MCTP2: variants seen among roughly 807,000 people sequenced by gnomAD.
MCTP2 encodes multiple C2 and transmembrane domain-containing protein 2.
Under a neutral mutation model 111.6 loss-of-function variants are expected in MCTP2, and 132 were observed. The ratio of observed to expected loss-of-function variants is 1.18; its 90% confidence interval spans 1.03 to 1.37. The LOEUF (loss-of-function observed/expected upper bound fraction) is 1.37, where lower values mean the gene tolerates loss of function less well. Among genes scored for constraint, MCTP2 ranks in the 40% most tolerant of loss-of-function variants. MCTP2 has a pLI of 0.00. For synonymous variants in MCTP2, 395 were observed against 387.7 expected (o/e 1.02, Z -0.22); for missense variants, 1,183 against 1,067.9 (o/e 1.11, Z -1.50).
At chr15:94,282,536 G>C (rs1158331092) in intron 1 of MCTP2, among the ~76,000 whole-genome samples, 1 of 152,166 alleles carries the variant, frequency 6.6e-6, no homozygotes, top group Non-Finnish European at 1.5e-5. Flanking sequence ...TTCTATGTCT[G>C]TCATTTCAGC....
intron 17 of MCTP2, among the ~76,000 whole-genome samples, chr15:94,437,155 C>CAAAAAAAAAAAAAA (rs11352999): frequency 2.9e-5 from 2 of 69,558 alleles, no homozygotes; most frequent in Non-Finnish European, 5.7e-5. Context: ...CTTACACATC[C>CAAAAAAAAAAAAAA]AAAAAAAAAA....
intron 14 of MCTP2, among the ~76,000 whole-genome samples, chr15:94,387,270 A>G (rs1244632885): frequency 6.6e-6 from 1 of 151,472 alleles, no homozygotes; most frequent in East Asian, 1.9e-4. Flanking sequence ...TCTTTGTCAT[A>G]TGGAGCTGCC....
At chr15:94,250,997 A>G (rs1436413173) in intron 1 of MCTP2, among the ~76,000 whole-genome samples, 1 of 152,252 alleles carries the variant, frequency 6.6e-6, no homozygotes, top group East Asian at 1.9e-4. Flanking sequence ...TGACTATGGA[A>G]GATGATTAGA....
chr15:94,260,454 C>T (rs926234049), intron 1 of MCTP2, among the ~76,000 whole-genome samples: 3 of 152,194 alleles, frequency 2.0e-5, no homozygotes, highest in African/African-American at 7.2e-5. Flanking sequence ...CTCGTCTTCT[C>T]TCATGGGCCA....
intron 14 of MCTP2, among the ~76,000 whole-genome samples, chr15:94,387,016 C>G (rs1330267781): frequency 6.6e-6 from 1 of 152,136 alleles, no homozygotes; most frequent in Non-Finnish European, 1.5e-5. Context: ...TTAAAGTAGG[C>G]TTTCCCAAAA....
chr15:94,284,231 A>G (rs1376086328), intron 1 of MCTP2, among the ~76,000 whole-genome samples: 1 of 152,236 alleles, frequency 6.6e-6, no homozygotes, highest in Non-Finnish European at 1.5e-5. Context: ...TAATTTGCAC[A>G]CACTATGAGT....
chr15:94,235,206 A>G (rs1002658200), intron 1 of MCTP2, among the ~76,000 whole-genome samples: 3 of 150,938 alleles, frequency 2.0e-5, no homozygotes, highest in African/African-American at 4.9e-5. Flanking sequence ...GTGAGCCAAG[A>G]TTGCACCATT....
In MCTP2 at chr15:94,358,601, A is replaced by G. The variant is rs367848421; in HGVS notation, c.1290A>G (p.Glu430=). ...VWGKDNKKHE[E]RLGTCKVDIS... ...GAAAGGACAACAAAAAGCATGAGGA[A>G]CGTCTGGGCACGTGAGTCCCCTCTG... Residue 430 remains glutamate (E), a synonymous_variant, in exon 10 of 23, where the codon GAA becomes GAG. Coordinates refer to ENST00000357742, the MANE Select transcript of MCTP2 (RefSeq NM_001385001.1). The G allele has an allele frequency of 1.2e-4, 188 of 1,613,366 alleles. No individual in the cohort carries two copies. The highest frequency in any genetic ancestry group is 1.5e-4 in the Non-Finnish European group (176 of 1,179,678).
Position 94,294,137 on chromosome 15 carries a change from G to A in MCTP2, c.-65-4064G>A, listed in dbSNP as rs567061930. ...TAAAAGTTATATACTGTGTGATTCC[G>A]TTTAGAAAACATTCCCCGAAAGACA... On this transcript the variant is annotated intron_variant, in intron 1 of 22. Transcript: ENST00000357742. Among the ~76,000 whole-genome samples, 194 of 152,270 alleles carry A rather than the reference G, an allele frequency of 1.3e-3. 1 individual carries two copies. The highest frequency in any genetic ancestry group is 4.2e-3 in the African/African-American group (174 of 41,556).
chr15:94,425,845 C>G (rs1456346530), intron 17 of MCTP2, among the ~76,000 whole-genome samples: 1 of 152,110 alleles, frequency 6.6e-6, no homozygotes, highest in East Asian at 1.9e-4. Context: ...GTACTAAATC[C>G]ATTAAATAAT....
chr15:94,479,194 CAT>C lies in MCTP2; in HGVS notation c.*161_*162del, dbSNP rs1199829171. 7 of 680,784 alleles carry C rather than the reference CAT, an allele frequency of 1.0e-5. No individual in the cohort carries two copies. The highest frequency in any genetic ancestry group is 5.2e-5 in the South Asian group (3 of 58,126). The allele number at this position is 680,784 out of a possible 1,614,324, so 42.2% of individuals were successfully genotyped here. The stretch of plus-strand genomic sequence containing the variant: ...TCCTTCACGTGCACAGACATACACA[CAT>C]GTGCACACACCCTCATGCATGGGTG... On this transcript the variant is annotated 3_prime_UTR_variant, in exon 23 of 23. Transcript: ENST00000357742.
Position 94,298,288 on chromosome 15 carries a change from T to G in MCTP2, c.23T>G (p.Val8Gly), listed in dbSNP as rs569919168. The G allele has an allele frequency of 6.2e-7, 1 of 1,613,290 alleles. No individual in the cohort carries two copies. Among genetic ancestry groups the G allele is most frequent in the South Asian group, 1.1e-5 (1 of 91,004 alleles). Residue 8 changes from valine (V) to glycine (G), a missense_variant, in exon 2 of 23, where the codon GTT (valine) becomes GGT (glycine). By Grantham distance (109) the Val-to-Gly change is moderately radical. Transcript: ENST00000357742. ...GCCATGGATCTGGATAAACCATCTG[T>G]TTGGGGCTCATTAAAACAGCGGACC... The part of the protein sequence containing the change: MDLDKPS[V>G]WGSLKQRTRP...
chr15:94,383,705 A>G (rs992898555), intron 12 of MCTP2, among the ~76,000 whole-genome samples: 3 of 152,198 alleles, frequency 2.0e-5, no homozygotes, highest in East Asian at 1.9e-4. Context: ...CCATGATTCA[A>G]TTATCTCCCA....
intron 9 of MCTP2, among the ~76,000 whole-genome samples, chr15:94,357,187 A>G (rs2078672636): frequency 6.6e-6 from 1 of 152,250 alleles, no homozygotes; most frequent in Non-Finnish European, 1.5e-5. Context: ...TTTTCAGTAC[A>G]GAATCAAATA....
intron 4 of MCTP2, among the ~76,000 whole-genome samples, chr15:94,336,749 A>G (rs10644557): frequency 5.4e-5 from 6 of 111,898 alleles, no homozygotes; most frequent in East Asian, 2.4e-4. Flanking sequence ...ATGTGTGTGT[A>G]TATATATACA....
intron 17 of MCTP2, among the ~76,000 whole-genome samples, chr15:94,421,313 T>C (rs941353729): frequency 6.6e-6 from 1 of 152,210 alleles, no homozygotes; most frequent in African/African-American, 2.4e-5. Flanking sequence ...TGCTTCGTTG[T>C]GGTTGTCTGG....
intron 20 of MCTP2, among the ~76,000 whole-genome samples, 184 bp from the exon 21 acceptor site, chr15:94,470,149 T>A (rs913923219): frequency 6.6e-6 from 1 of 152,210 alleles, no homozygotes. Flanking sequence ...ACTGTCCTTT[T>A]AAGAATGTTT....
intron 20 of MCTP2, among the ~76,000 whole-genome samples, chr15:94,466,506 G>A (rs188112724): frequency 3.1e-4 from 47 of 152,198 alleles, no homozygotes; most frequent in Non-Finnish European, 5.9e-4. Context: ...ACTTAGCACC[G>A]AGGGCATGAT....
intron 20 of MCTP2, among the ~76,000 whole-genome samples, chr15:94,466,934 GTAT>G (rs1411029310): frequency 6.6e-6 from 1 of 152,012 alleles, no homozygotes; most frequent in Non-Finnish European, 1.5e-5. Flanking sequence ...TTTGTAGCTA[GTAT>G]TATTTTCAAA....
Sources: gnomAD v4.1 joint callset for allele counts (sites outside exome capture counted in the v4.1 genomes callset) on GRCh38, gnomAD v4.1.1 for gene constraint, MANE v1.5 for transcripts, NCBI Gene and HGNC (gene_info 2026-07-23, HGNC 2026-07-21) for gene names.